UNC13A: variants seen among roughly 807,000 people sequenced by gnomAD.
UNC13A encodes the protein protein unc-13 homolog A.
In UNC13A, 61 loss-of-function variants were observed where a neutral mutation model predicts 219.7. The ratio of observed to expected loss-of-function variants is 0.28; its 90% CI spans 0.23 to 0.34. The LOEUF (loss-of-function observed/expected upper bound fraction) is 0.34, where lower values mean the gene tolerates loss of function less well. Among genes scored for constraint, UNC13A ranks in the 10% least tolerant of loss-of-function variants. The pLI is 1.00. For missense variants in UNC13A, 1,476 were observed against 2,270.3 expected, an observed-to-expected ratio of 0.65 and a Z score of 7.11; for synonymous variants, 920 against 884.6, an observed-to-expected ratio of 1.04 and a Z score of -0.71.
Position 17,630,271 on chromosome 19 carries a change from C to T in UNC13A, c.3543G>A (p.Glu1181=). 6.4e-7 allele frequency: 1 copy of T among 1,562,334 alleles called. No individual in the cohort carries two copies. The highest frequency in any genetic ancestry group is 8.7e-7 in the Non-Finnish European group (1 of 1,153,052). ...CCACGGAGCAGGAGAATAGGGCATG[C>T]TCTGAGGTCTGCTGGAACTGCAGGG... The part of the protein sequence containing the change: ...DKKDGFQQTS[E]HALFSCSVVD... The change falls in exon 30 of 44, where the codon GAG becomes GAA. Residue 1181 remains glutamate (E), a synonymous_variant. Transcript: ENST00000519716.
chr19:17,672,248 G>GCCACCTTCCAAAT, intron 4 of UNC13A, 130 bp downstream of exon 4: 2 of 743,608 alleles, frequency 2.7e-6, no homozygotes. Flanking sequence ...GAAGGTTCGT[G>GCCACCTTCCAAAT]GCAATCCCAA....
Position 17,668,098 on chromosome 19 carries a change from C to T in UNC13A, c.468+19G>A, listed in dbSNP as rs2145897774. The T allele has an allele frequency of 1.2e-6, 2 of 1,612,568 alleles. No homozygotes were observed. The highest frequency in any genetic ancestry group is 1.7e-6 in the Non-Finnish European group (2 of 1,179,010). ...ACAGAAACAAGGAAGAAACAGTCCC[C>T]TCCCACCCCAACACTCACTTCATCC... On this transcript the variant is annotated intron_variant, in intron 6 of 43. Coordinates refer to ENST00000519716, the MANE Select transcript of UNC13A (RefSeq NM_001080421.3).
chr19:17,639,226 A>T lies in UNC13A; in HGVS notation c.2947-9T>A, dbSNP rs1359946471. ...CTCTGGAGTTCTTGTACCTGAAGGG[A>T]GGGAGAGAGGCATAGGCGGCCACAG... On this transcript the variant is annotated splice_polypyrimidine_tract_variant and intron_variant, in intron 24 of 43. Coordinates refer to ENST00000519716, the MANE Select transcript of UNC13A (RefSeq NM_001080421.3). The T allele has an allele frequency of 6.2e-7, 1 of 1,613,652 alleles. No homozygotes were observed. The highest frequency in any genetic ancestry group is 1.3e-5 in the African/African-American group (1 of 75,010).
intron 25 of UNC13A, 114 bp from the exon 26 acceptor site, chr19:17,636,271 T>C: frequency 7.7e-7 from 1 of 1,296,114 alleles, no homozygotes; most frequent in Non-Finnish European, 1.0e-6. Flanking sequence ...ATCATGTGTA[T>C]GGTTCAGGTA....
chr19:17,651,154 G>C (rs962232559), intron 12 of UNC13A, among the ~76,000 whole-genome samples: 3 of 151,714 alleles, frequency 2.0e-5, no homozygotes, highest in African/African-American at 7.3e-5. Flanking sequence ...GACCAGGCTG[G>C]TCTCAGACTC....
chr19:17,607,187 G>T (rs984301299), intron 43 of UNC13A, among the ~76,000 whole-genome samples: 1 of 152,076 alleles, frequency 6.6e-6, no homozygotes, highest in Non-Finnish European at 1.5e-5. Flanking sequence ...TCCCATAAGA[G>T]CTCCCAGGCC....
At position 17,656,392 on chromosome 19, in the gene UNC13A, C is replaced by T. The variant is rs755534618; in HGVS notation, c.774G>A (p.Thr258=). 159 of 1,526,528 alleles carry T rather than the reference C, an allele frequency of 1.0e-4. No homozygotes were observed. Among genetic ancestry groups the T allele is most frequent in the Admixed American group, 8.4e-4 (42 of 50,272 alleles). 94.6% of individuals were successfully genotyped at this position (1,526,528 alleles called of 1,614,324 possible). ...CGGAAGAGGCATAGCGGCTGCTACC[C>T]GTGGGGCTGTGGGGATGGAACAGGG... ...EFSEPQALSP[T]GSSRYASSGE... Residue 258 remains threonine, a synonymous_variant, in exon 10 of 44, where the codon ACG becomes ACA. Transcript: ENST00000519716.
chr19:17,680,411 G>A (rs2079984814), intron 1 of UNC13A, among the ~76,000 whole-genome samples: 1 of 152,180 alleles, frequency 6.6e-6, no homozygotes, highest in African/African-American at 2.4e-5. Flanking sequence ...TGGGAGGCGC[G>A]CCGGCGGACA....
intron 1 of UNC13A, among the ~76,000 whole-genome samples, chr19:17,676,443 G>A (rs2079900390): frequency 6.6e-6 from 1 of 152,118 alleles, no homozygotes; most frequent in African/African-American, 2.4e-5. Flanking sequence ...AATTGAACAA[G>A]ATTAGAAAGA....
At position 17,606,069 on chromosome 19, in the gene UNC13A, G is replaced by C. The variant is rs1397644948; in HGVS notation, c.5097C>G (p.Ala1699=). 4.5e-6 allele frequency: 7 copies of C among 1,570,886 alleles called. No individual in the cohort carries two copies. The highest frequency in any genetic ancestry group is 2.5e-5 in the East Asian group (1 of 39,760). ...ACCGCCCGCGCTAAGGCGCAGGCGC[G>C]GCACCGCCCTCCTCGGCGGAGCGCG... is the stretch of plus-strand genomic sequence containing the variant. ...SDTRSAEEGG[A]APAP The change falls in exon 44 of 44, where the codon GCC becomes GCG. Residue 1699 remains alanine, a synonymous_variant. Transcript: ENST00000519716.
In UNC13A at chr19:17,643,474, C is replaced by G. The variant is rs1051923174; in HGVS notation, c.2357-514G>C. Among the ~76,000 whole-genome samples, 3 of 150,918 alleles carry G rather than the reference C, an allele frequency of 2.0e-5. No homozygotes were observed. The East Asian group carries it at 5.9e-4, about 30-fold the overall frequency. ...AGCTGGGATTACAGGCATGTGCCATCACACCCACCTAATTTTTTATTTTTA... is the reference window on the plus strand; with the variant it reads ...AGCTGGGATTACAGGCATGTGCCATGACACCCACCTAATTTTTTATTTTTA... On this transcript the variant is annotated intron_variant, in intron 19 of 43. Transcript: ENST00000519716.
At chr19:17,656,465 A>G in intron 9 of UNC13A, 67 bp from the exon 10 acceptor site, 3 of 1,396,386 alleles carry the variant, frequency 2.1e-6, no homozygotes, top group Middle Eastern at 2.3e-4. Context: ...CCCCAGTCAC[A>G]CAGGCATTGA....
intron 18 of UNC13A, 31 bp downstream of exon 18, chr19:17,645,939 C>T: frequency 2.5e-6 from 4 of 1,607,372 alleles, no homozygotes; most frequent in Non-Finnish European, 3.4e-6. Flanking sequence ...GGATGCCCCA[C>T]ATGGGGCCAG....
intron 1 of UNC13A, among the ~76,000 whole-genome samples, chr19:17,681,732 T>C (rs1313567327): frequency 6.6e-6 from 1 of 152,172 alleles, no homozygotes; most frequent in Non-Finnish European, 1.5e-5. Context: ...AGCTAAGAGC[T>C]GTCCCCCAGA....
intron 35 of UNC13A, among the ~76,000 whole-genome samples, chr19:17,624,400 G>A (rs573857435): frequency 8.5e-5 from 13 of 152,228 alleles, no homozygotes; most frequent in African/African-American, 1.2e-4. Context: ...GATTGCAGGC[G>A]TGAGCCACGG....
chr19:17,607,876 CTTT>C (rs58683080), intron 43 of UNC13A, among the ~76,000 whole-genome samples: 4 of 96,280 alleles, frequency 4.2e-5, no homozygotes, highest in Non-Finnish European at 6.1e-5. Context: ...CGTGAACAGA[CTTT>C]TTTTTTTTTT....
At chr19:17,644,330 A>C (rs10426003) in intron 19 of UNC13A, among the ~76,000 whole-genome samples, 2 of 150,188 alleles carry the variant, frequency 1.3e-5, no homozygotes, top group Non-Finnish European at 3.0e-5. Flanking sequence ...CTGGGACTAC[A>C]GGCACGCATC....
At position 17,674,895 on chromosome 19, in the gene UNC13A, G is replaced by A. The variant is rs977140992; in HGVS notation, c.53-139C>T. The A allele has an allele frequency of 4.6e-6, 3 of 655,302 alleles. No individual in the cohort carries two copies. The highest frequency in any genetic ancestry group is 8.0e-6 in the Non-Finnish European group (3 of 376,504). 40.6% of individuals were successfully genotyped at this position (655,302 alleles called of 1,614,324 possible). ...CCTAACCCACAACCCCACCCTCAGG[G>A]CACAAGGGAGGGGCCTCAGTGTGGG... On this transcript the variant is annotated intron_variant, in intron 2 of 43. Coordinates refer to ENST00000519716, the MANE Select transcript of UNC13A (RefSeq NM_001080421.3). This position sits in a 1 kb window ranked among gnomAD's most constrained non-coding sequence, Gnocchi z 5.0.
In UNC13A at chr19:17,605,049, G is replaced by C. The variant is rs111618944; in HGVS notation, c.*1005C>G. 0.015 allele frequency: 2,348 copies of C among 152,792 alleles called. 27 individuals carry two copies. Among genetic ancestry groups the C allele is most frequent in the Middle Eastern group, 0.058 (17 of 294 alleles). 9.5% of individuals were successfully genotyped at this position (152,792 alleles called of 1,614,324 possible). A position where few individuals can be genotyped will look rare whatever the true frequency, so the allele number is the denominator to read the frequency against. On this transcript the variant is annotated 3_prime_UTR_variant, in exon 44 of 44. Transcript: ENST00000519716. The stretch of plus-strand genomic sequence containing the variant: ...GGCATCCCCCATGGAGATCCCAGGA[G>C]AAAGGGCTGAGGGCAAAGGTCCTGC...
Sources: allele counts gnomAD v4.1 joint callset (sites outside exome capture counted in the v4.1 genomes callset), GRCh38; gene constraint gnomAD v4.1.1; non-coding constraint Gnocchi (gnomAD v3.1); transcripts MANE v1.5; gene names NCBI Gene and HGNC (gene_info 2026-07-23, HGNC 2026-07-21).